Variants in IL6 observed in about 807,000 individuals in gnomAD.
IL6 encodes interleukin 6.
Under a neutral mutation model 18.0 loss-of-function variants are expected in IL6, and 5 were observed. That is an observed-to-expected ratio of 0.28 (90% CI 0.15 to 0.58). IL6 has a LOEUF of 0.58. IL6 is among the 20% of genes least tolerant of loss of function. The pLI is 0.90. For missense variants in IL6, 266 were observed against 251.0 expected (o/e 1.06, Z -0.40); for synonymous variants, 97 against 95.1 (o/e 1.02, Z -0.12).
Position 22,729,647 on chromosome 7 carries a change from T to A in IL6, c.458T>A (p.Phe153Tyr). 1 of 1,614,104 alleles carries A rather than the reference T, an allele frequency of 6.2e-7. No individual in the cohort carries two copies. Among genetic ancestry groups the A allele is most frequent in the Non-Finnish European group, 8.5e-7 (1 of 1,180,002 alleles). ...ATGAGTACAAAAGTCCTGATCCAGT[T>A]CCTGCAGAAAAAGGTGGGTGTGTCC... is the stretch of plus-strand genomic sequence containing the variant. ...VQMSTKVLIQ[F>Y]LQKKAKNLDA... Residue 153 changes from phenylalanine (F) to tyrosine (Y), a missense_variant, in exon 4 of 5, where the codon TTC (phenylalanine) becomes TAC (tyrosine). Transcript: ENST00000258743.
intron 4 of IL6, among the ~76,000 whole-genome samples, chr7:22,730,652 A>G (rs1309073653): frequency 6.6e-6 from 1 of 152,198 alleles, no homozygotes. Context: ...CTCTTCATTC[A>G]TATACTAAAT....
Position 22,729,494 on chromosome 7 carries a change from C to T in IL6, c.325-20C>T. ...CTATCTCCTGGCGATAACCAATTTT[C>T]CCACCATCTTTCCTCTTAGGAGACT... is the stretch of plus-strand genomic sequence containing the variant. On this transcript the variant is annotated intron_variant, in intron 3 of 4. Coordinates refer to ENST00000258743, the MANE Select transcript of IL6 (RefSeq NM_000600.5). 6.2e-7 allele frequency: 1 copy of T among 1,604,118 alleles called. No individual in the cohort carries two copies. Among genetic ancestry groups the T allele is most frequent in the Non-Finnish European group, 8.5e-7 (1 of 1,173,340 alleles).
chr7:22,731,006 TG>T (rs1784114736), intron 4 of IL6, among the ~76,000 whole-genome samples: 1 of 151,840 alleles, frequency 6.6e-6, no homozygotes, highest in African/African-American at 2.4e-5. Context: ...GAGGCTGAGG[TG>T]GGTGGATCAT....
At chr7:22,729,459 C>A in intron 3 of IL6, 55 bp from the exon 4 acceptor site, 1 of 1,548,410 alleles carries the variant, frequency 6.5e-7, no homozygotes, top group Non-Finnish European at 8.8e-7. Flanking sequence ...TTTAACTTTT[C>A]AAATTGATTC....
In IL6 at chr7:22,728,737, G is replaced by A. The variant is rs1278762284; in HGVS notation, c.255G>A (p.Leu85=). The A allele has an allele frequency of 1.9e-6, 3 of 1,613,322 alleles. No individual in the cohort carries two copies. The highest frequency in any genetic ancestry group is 2.2e-5 in the East Asian group (1 of 44,892). ...TGTGTGAAAGCAGCAAAGAGGCACT[G>A]GCAGAAAACAACCTGAACCTTCCAA... ...SNMCESSKEA[L]AENNLNLPKM... The change falls in exon 3 of 5, where the codon CTG becomes CTA. Residue 85 remains leucine (L), a synonymous_variant. Coordinates refer to ENST00000258743, the MANE Select transcript of IL6 (RefSeq NM_000600.5).
rs749300991 is a variant in IL6, at chr7:22,727,332, T to A, written c.19+51T>A. 4 of 1,613,898 alleles carry A rather than the reference T, an allele frequency of 2.5e-6. No homozygotes were observed. The South Asian group carries it at 4.4e-5, about 18-fold the overall frequency. The stretch of plus-strand genomic sequence containing the variant: ...GGAACTGCCAGCGGCGGTCGAGCCC[T>A]GTGTGAGGGAGGGGTGTGTGGCCCA... On this transcript the variant is annotated intron_variant, in intron 1 of 4. Coordinates refer to ENST00000258743, the MANE Select transcript of IL6 (RefSeq NM_000600.5).
At chr7:22,728,885 T>C (rs1035282747) in intron 3 of IL6, 79 bp downstream of exon 3, 5 of 806,016 alleles carry the variant, frequency 6.2e-6, no homozygotes, top group Admixed American at 3.6e-5. Context: ...TGTATACATA[T>C]AGATCCAGGC....
intron 4 of IL6, among the ~76,000 whole-genome samples, chr7:22,731,098 G>A (rs1053679954): frequency 1.3e-5 from 2 of 152,022 alleles, no homozygotes; most frequent in Non-Finnish European, 2.9e-5. Context: ...AGTTAGCCAG[G>A]CATGGTGGCA....
Position 22,731,826 on chromosome 7 carries a change from G to T in IL6, c.*253G>T, listed in dbSNP as rs1268902248. Reference sequence around the variant, plus strand: ...ATTAGTTTTGAAATAATAATGGAAAGTGGCTATGCAGTTTGAATATCCTTT... The same window carrying T: ...ATTAGTTTTGAAATAATAATGGAAATTGGCTATGCAGTTTGAATATCCTTT... On this transcript the variant is annotated 3_prime_UTR_variant, in exon 5 of 5. Transcript: ENST00000258743. 3 of 200,588 alleles carry T rather than the reference G, an allele frequency of 1.5e-5. No homozygotes were observed. Among genetic ancestry groups the T allele is most frequent in the Admixed American group, 5.9e-5 (1 of 16,846 alleles). 12.4% of individuals were successfully genotyped at this position (200,588 alleles called of 1,614,324 possible).
chr7:22,728,252 T>C (rs2069835), intron 2 of IL6, among the ~76,000 whole-genome samples: 11,447 of 152,194 alleles, frequency 0.075, 478 homozygotes, highest in Middle Eastern at 0.2. Context: ...CTTGGGTAAA[T>C]TCCCTACCAC....
chr7:22,731,419 A>T lies in IL6; in HGVS notation c.485A>T (p.Asp162Val), dbSNP rs2069860. 7.4e-3 allele frequency: 11,666 copies of T among 1,573,798 alleles called. 58 individuals carry two copies. The highest frequency in any genetic ancestry group is 0.01 in the South Asian group (902 of 87,232). ...ATTTTCCTTCAGGCAAAGAATCTAG[A>T]TGCAATAACCACCCCTGACCCAACC... ...QFLQKKAKNL[D>V]AITTPDPTTN... The change falls in exon 5 of 5, where the codon GAT becomes GTT. Residue 162 changes from aspartate (D) to valine (V), a missense_variant. By Grantham distance (152) the Asp-to-Val change is radical. Transcript: ENST00000258743.
intron 4 of IL6, among the ~76,000 whole-genome samples, chr7:22,730,541 C>CT (rs1313968885): frequency 6.6e-6 from 1 of 152,158 alleles, no homozygotes; most frequent in Non-Finnish European, 1.5e-5. Context: ...GATCAGTGGT[C>CT]TTTCAACAGA....
chr7:22,729,875 T>G, intron 4 of IL6: 1 of 1,458,140 alleles, frequency 6.9e-7, no homozygotes, highest in Non-Finnish European at 9.0e-7. Flanking sequence ...TAACTGTATT[T>G]TAAACTATAT....
chr7:22,727,684 C>G, intron 2 of IL6, 50 bp downstream of exon 2: 1 of 1,518,040 alleles, frequency 6.6e-7, no homozygotes. Flanking sequence ...CATGCGTTCC[C>G]CTTGCCCCTG....
Position 22,729,676 on chromosome 7 carries a change from T to C in IL6, c.471+16T>C, listed in dbSNP as rs1385639866. 3 of 1,614,018 alleles carry C rather than the reference T, an allele frequency of 1.9e-6. No homozygotes were observed. Among genetic ancestry groups the C allele is most frequent in the African/African-American group, 2.7e-5 (2 of 74,924 alleles). On this transcript the variant is annotated intron_variant, in intron 4 of 4. Transcript: ENST00000258743. ...GCAGAAAAAGGTGGGTGTGTCCTCA[T>C]TCCCTCAACTTGGTGTGGGGGAAGA...
At chr7:22,731,330 T>C (rs928182203) in intron 4 of IL6, 76 bp from the exon 5 acceptor site, 18 of 1,185,898 alleles carry the variant, frequency 1.5e-5, no homozygotes, top group Middle Eastern at 2.1e-4. Context: ...CATCATCCCA[T>C]AGCCCAGAGC....
rs780726676 is a variant in IL6 at position 22,729,653 on chromosome 7, A to G, written c.464A>G (p.Gln155Arg). ...ACAAAAGTCCTGATCCAGTTCCTGC[A>G]GAAAAAGGTGGGTGTGTCCTCATTC... Reference protein sequence around the residue: ...MSTKVLIQFLQKKAKNLDAIT... With the variant: ...MSTKVLIQFLRKKAKNLDAIT... Residue 155 changes from glutamine (Q) to arginine (R), a missense_variant, in exon 4 of 5, where the codon CAG becomes CGG. Gln to Arg is a conservative substitution (Grantham distance 43, BLOSUM62 1). Transcript: ENST00000258743. 6.2e-7 allele frequency: 1 copy of G among 1,614,178 alleles called. No individual in the cohort carries two copies. The highest frequency in any genetic ancestry group is 8.5e-7 in the Non-Finnish European group (1 of 1,180,022).
chr7:22,728,516 G>A (rs1403971699), intron 2 of IL6, 177 bp from the exon 3 acceptor site: 3 of 589,528 alleles, frequency 5.1e-6, no homozygotes, highest in Non-Finnish European at 9.1e-6. Context: ...AGGTGAGCTT[G>A]GAACTGAACC....
chr7:22,728,793 C>T lies in IL6; in HGVS notation c.311C>T (p.Ser104Phe). 2 of 1,605,992 alleles carry T rather than the reference C, an allele frequency of 1.2e-6. No homozygotes were observed. Among genetic ancestry groups the T allele is most frequent in the East Asian group, 4.5e-5 (2 of 44,826 alleles). The change falls in exon 3 of 5, where the codon TCT becomes TTT. Residue 104 changes from serine (S) to phenylalanine (F), a missense_variant. Coordinates refer to ENST00000258743, the MANE Select transcript of IL6 (RefSeq NM_000600.5). ...KMAEKDGCFQ[S>F]GFNEETCLVK... is the part of the protein sequence containing the mutation. ...GCTGAAAAAGATGGATGCTTCCAAT[C>T]TGGATTCAATGAGGTACCAACTTGT... is the stretch of plus-strand genomic sequence containing the variant.
Sources: gnomAD v4.1 joint callset for allele counts (sites outside exome capture counted in the v4.1 genomes callset) on GRCh38, gnomAD v4.1.1 for gene constraint, MANE v1.5 for transcripts, NCBI Gene and HGNC (gene_info 2026-07-23, HGNC 2026-07-21) for gene names.